CADPS2: variants seen among roughly 807,000 people sequenced by gnomAD.
CADPS2 encodes the protein calcium dependent secretion activator 2, also known as calcium-dependent secretion activator 2.
In CADPS2, 93 loss-of-function variants were observed where a neutral mutation model predicts 172.5. The observed-to-expected ratio is 0.54, with a 90% confidence interval of 0.46 to 0.64. The LOEUF (loss-of-function observed/expected upper bound fraction) is 0.64, where lower values mean the gene tolerates loss of function less well. Ranked by LOEUF, CADPS2 falls within the 30% of genes least tolerant of loss-of-function variation. The pLI is 0.00. For synonymous variants in CADPS2, 546 were observed against 555.2 expected, an observed-to-expected ratio of 0.98 and a Z score of 0.23; for missense variants, 1,420 against 1,565.9, an observed-to-expected ratio of 0.91 and a Z score of 1.57.
At chr7:122,350,291 C>A (rs908146856) in intron 27 of CADPS2, among the ~76,000 whole-genome samples, 2 of 152,198 alleles carry the variant, frequency 1.3e-5, no homozygotes, top group South Asian at 4.1e-4. Context: ...ATTTAAGATT[C>A]AGTAAAAATT....
intron 17 of CADPS2, among the ~76,000 whole-genome samples, chr7:122,425,734 C>A (rs558367241): frequency 7.9e-5 from 12 of 152,100 alleles, no homozygotes; most frequent in Non-Finnish European, 1.6e-4. Flanking sequence ...ACATTGTATC[C>A]ATTTTTTTCT....
intron 6 of CADPS2, among the ~76,000 whole-genome samples, chr7:122,582,385 G>A (rs1165836530): frequency 2.6e-5 from 4 of 151,746 alleles, no homozygotes; most frequent in African/African-American, 9.7e-5. Flanking sequence ...CAGTAAAGCA[G>A]AGACCATTTC....
At chr7:122,765,160 T>C (rs2093506917) in intron 1 of CADPS2, among the ~76,000 whole-genome samples, 1 of 152,182 alleles carries the variant, frequency 6.6e-6, no homozygotes, top group Non-Finnish European at 1.5e-5. Context: ...GCATTCCAAA[T>C]AGTCTGTTGG....
chr7:122,839,262 T>C (rs1262359771), intron 1 of CADPS2, among the ~76,000 whole-genome samples: 1 of 152,152 alleles, frequency 6.6e-6, no homozygotes, highest in Non-Finnish European at 1.5e-5. Context: ...TCCTTACACC[T>C]TATACAAAAA....
Position 122,345,639 on chromosome 7 carries a change from G to C in CADPS2, c.3547C>G (p.Arg1183Gly). ...TCTCGAAGAATATCTTGGTTTTGCC[G>C]AACAAACATAATATAGGTGTCTGCC... is the stretch of plus-strand genomic sequence containing the variant. Reference protein sequence around the residue: ...DLADTYIMFVRQNQDILREKV... With the variant: ...DLADTYIMFVGQNQDILREKV... The change falls in exon 28 of 30, where the codon CGG becomes GGG. Residue 1183 changes from arginine to glycine, a missense_variant. Transcript: ENST00000449022. 1 of 1,613,078 alleles carries C rather than the reference G, an allele frequency of 6.2e-7. No individual in the cohort carries two copies. The highest frequency in any genetic ancestry group is 1.1e-5 in the South Asian group (1 of 91,020).
intron 9 of CADPS2, among the ~76,000 whole-genome samples, chr7:122,494,099 G>T (rs1419209669): frequency 6.6e-6 from 1 of 152,098 alleles, no homozygotes; most frequent in Non-Finnish European, 1.5e-5. Context: ...ATATGTGGGT[G>T]GGTCTCATAT....
intron 7 of CADPS2, among the ~76,000 whole-genome samples, chr7:122,576,286 T>G (rs2068024949): frequency 6.6e-6 from 1 of 152,154 alleles, no homozygotes; most frequent in Non-Finnish European, 1.5e-5. Flanking sequence ...GCATAGGATA[T>G]CCACATGACA....
chr7:122,540,825 C>T (rs1222942686), intron 8 of CADPS2, among the ~76,000 whole-genome samples: 3 of 152,152 alleles, frequency 2.0e-5, no homozygotes, highest in East Asian at 1.9e-4. Flanking sequence ...AATTTGTGCT[C>T]TGTATCACAA....
intron 1 of CADPS2, among the ~76,000 whole-genome samples, chr7:122,774,334 A>C (rs576125559): frequency 2.8e-4 from 43 of 151,886 alleles, no homozygotes; most frequent in African/African-American, 9.4e-4. Context: ...AGAACTGACA[A>C]AAAAGTCATC....
At chr7:122,428,277 A>G (rs1270508001) in intron 17 of CADPS2, among the ~76,000 whole-genome samples, 1 of 152,150 alleles carries the variant, frequency 6.6e-6, no homozygotes, top group Non-Finnish European at 1.5e-5. Context: ...CCTTAGCATG[A>G]ATCAAGGCTG....
At chr7:122,766,541 G>A (rs2093556177) in intron 1 of CADPS2, among the ~76,000 whole-genome samples, 1 of 152,090 alleles carries the variant, frequency 6.6e-6, no homozygotes, top group South Asian at 2.1e-4. Context: ...CACAAGGTAG[G>A]ACAACTGTTC....
intron 2 of CADPS2, among the ~76,000 whole-genome samples, chr7:122,693,825 G>T (rs983410966): frequency 1.3e-5 from 2 of 152,146 alleles, no homozygotes; most frequent in Admixed American, 1.3e-4. Flanking sequence ...AATTAGCTGG[G>T]CGTGGTGGTG....
At chr7:122,631,025 C>T (rs1022847441) in intron 3 of CADPS2, among the ~76,000 whole-genome samples, 5 of 152,040 alleles carry the variant, frequency 3.3e-5, no homozygotes, top group Admixed American at 3.3e-4. Context: ...AAATTAAAAA[C>T]TAACGTAATT....
At chr7:122,806,777 G>A (rs1798876914) in intron 1 of CADPS2, among the ~76,000 whole-genome samples, 1 of 152,134 alleles carries the variant, frequency 6.6e-6, no homozygotes, top group Admixed American at 6.5e-5. Context: ...ATAGAAATCT[G>A]TTAGCTTATT....
intron 1 of CADPS2, among the ~76,000 whole-genome samples, chr7:122,809,136 T>A (rs1374695255): frequency 6.6e-6 from 1 of 152,146 alleles, no homozygotes; most frequent in East Asian, 1.9e-4. Context: ...GTATAAATAT[T>A]GTTTCATATA....
At chr7:122,488,698 C>T (rs967092475) in intron 11 of CADPS2, among the ~76,000 whole-genome samples, 2 of 152,206 alleles carry the variant, frequency 1.3e-5, no homozygotes, top group Non-Finnish European at 2.9e-5. Context: ...CCCTCTGAAA[C>T]TTAATTTACT....
chr7:122,827,787 T>C (rs1249710865), intron 1 of CADPS2, among the ~76,000 whole-genome samples: 1 of 151,626 alleles, frequency 6.6e-6, no homozygotes, highest in East Asian at 1.9e-4. Flanking sequence ...AAAAAAAAAA[T>C]ACAGACAAGT....
intron 7 of CADPS2, among the ~76,000 whole-genome samples, chr7:122,557,679 A>G (rs1009014662): frequency 1.3e-5 from 2 of 152,142 alleles, no homozygotes; most frequent in Non-Finnish European, 2.9e-5. Flanking sequence ...CTCTTGAGAT[A>G]AGGTGAATGT....
chr7:122,836,997 G>C (rs938812745), intron 1 of CADPS2, among the ~76,000 whole-genome samples: 6 of 150,378 alleles, frequency 4.0e-5, no homozygotes, highest in Non-Finnish European at 7.4e-5. Flanking sequence ...ACCATATCTT[G>C]CTTATTCCAA....
Sources: allele counts gnomAD v4.1 joint callset (sites outside exome capture counted in the v4.1 genomes callset), GRCh38; gene constraint gnomAD v4.1.1; transcripts MANE v1.5; gene names NCBI Gene and HGNC (gene_info 2026-07-23, HGNC 2026-07-21).